Variants in ATP8A2 observed in about 807,000 individuals in gnomAD.
ATP8A2 encodes phospholipid-transporting ATPase IB.
ATP8A2 carries 100 observed loss-of-function variants against 165.6 expected under a neutral mutation model. The ratio of observed to expected loss-of-function variants is 0.60; its 90% CI spans 0.51 to 0.71. The LOEUF (loss-of-function observed/expected upper bound fraction) is 0.71. Among genes scored for constraint, ATP8A2 ranks in the 30% least tolerant of loss-of-function variants. The pLI is 0.00. For missense variants in ATP8A2, 1,227 were observed against 1,479.5 expected (o/e 0.83, Z 2.80); for synonymous variants, 543 against 548.8 (o/e 0.99, Z 0.15).
At chr13:25,745,847 T>A (rs895075302) in intron 25 of ATP8A2, among the ~76,000 whole-genome samples, 12 of 152,222 alleles carry the variant, frequency 7.9e-5, no homozygotes, top group Non-Finnish European at 1.5e-4. Flanking sequence ...ATCCTCTAGT[T>A]CAGTTTCTTA....
At chr13:25,836,166 T>TTTTG (rs149756647) in intron 28 of ATP8A2, among the ~76,000 whole-genome samples, 1,951 of 150,624 alleles carry the variant, frequency 0.013, 24 homozygotes, top group East Asian at 0.044. Flanking sequence ...ATCTCCTGTT[T>TTTTG]TTTGTTTGTT....
At chr13:25,646,067 T>A (rs2041662427) in intron 24 of ATP8A2, among the ~76,000 whole-genome samples, 1 of 152,228 alleles carries the variant, frequency 6.6e-6, no homozygotes, top group African/African-American at 2.4e-5. Flanking sequence ...GATTCTTTAA[T>A]ATTTGCATTA....
At chr13:25,824,156 A>T (rs1951250729) in intron 27 of ATP8A2, among the ~76,000 whole-genome samples, 1 of 152,102 alleles carries the variant, frequency 6.6e-6, no homozygotes, top group East Asian at 1.9e-4. Context: ...TTTTTAGTAG[A>T]CATGGGTTTT....
At chr13:25,907,946 G>A (rs940001806) in intron 33 of ATP8A2, among the ~76,000 whole-genome samples, 1 of 152,188 alleles carries the variant, frequency 6.6e-6, no homozygotes, top group African/African-American at 2.4e-5. Flanking sequence ...GGACCTTGAA[G>A]GTTCTTTTCA....
At chr13:25,584,288 A>G (rs2039858618) in intron 23 of ATP8A2, among the ~76,000 whole-genome samples, 1 of 152,198 alleles carries the variant, frequency 6.6e-6, no homozygotes, top group Non-Finnish European at 1.5e-5. Context: ...CACAGGCGGC[A>G]GCTGTCAGCA....
At chr13:25,544,070 A>G (rs2038567344) in intron 10 of ATP8A2, among the ~76,000 whole-genome samples, 2 of 152,222 alleles carry the variant, frequency 1.3e-5, no homozygotes. Flanking sequence ...GTTCTTTTGT[A>G]TAACTTCTAA....
chr13:25,993,707 A>G (rs1566335171), intron 35 of ATP8A2, among the ~76,000 whole-genome samples: 1 of 152,030 alleles, frequency 6.6e-6, no homozygotes. Context: ...TTATCTGTTT[A>G]TTTCTTTATG....
At chr13:25,586,358 C>T (rs746014613) in intron 23 of ATP8A2, among the ~76,000 whole-genome samples, 1 of 152,076 alleles carries the variant, frequency 6.6e-6, no homozygotes, top group Non-Finnish European at 1.5e-5. Context: ...GATGTCCCAA[C>T]GTGGGGAGAA....
At chr13:25,878,006 G>A (rs1952863624) in intron 33 of ATP8A2, among the ~76,000 whole-genome samples, 1 of 152,184 alleles carries the variant, frequency 6.6e-6, no homozygotes, top group Admixed American at 6.5e-5. Flanking sequence ...TTTGCTAAAT[G>A]GATTGTAAAC....
At chr13:25,952,261 G>A (rs185410521) in intron 33 of ATP8A2, among the ~76,000 whole-genome samples, 209 of 152,182 alleles carry the variant, frequency 1.4e-3, no homozygotes, top group Non-Finnish European at 2.4e-3. Flanking sequence ...GGAGAGAGTG[G>A]GCATGAATGA....
intron 28 of ATP8A2, among the ~76,000 whole-genome samples, chr13:25,835,007 ATG>A (rs1951569792): frequency 6.8e-6 from 1 of 147,814 alleles, no homozygotes; most frequent in African/African-American, 2.5e-5. Context: ...TGTGTGTAGT[ATG>A]GTATAGGCAG....
At chr13:25,983,345 A>G (rs1373250610) in intron 35 of ATP8A2, among the ~76,000 whole-genome samples, 2 of 152,224 alleles carry the variant, frequency 1.3e-5, no homozygotes, top group East Asian at 3.8e-4. Context: ...AAAGTCTGTA[A>G]TTTGTTCTCC....
chr13:25,646,684 T>A (rs912950815), intron 24 of ATP8A2, among the ~76,000 whole-genome samples: 11 of 138,634 alleles, frequency 7.9e-5, no homozygotes, highest in African/African-American at 2.7e-4. Context: ...CACAAAAGAA[T>A]CATTTAGTCA....
At chr13:25,396,396 T>G (rs2137993255) in intron 1 of ATP8A2, among the ~76,000 whole-genome samples, 1 of 152,308 alleles carries the variant, frequency 6.6e-6, no homozygotes, top group South Asian at 2.1e-4. Context: ...GGGGTTCTAG[T>G]TTCTATGACC....
chr13:25,879,852 T>G (rs1195202901), intron 33 of ATP8A2, among the ~76,000 whole-genome samples: 1 of 152,224 alleles, frequency 6.6e-6, no homozygotes, highest in Non-Finnish European at 1.5e-5. Flanking sequence ...CCTAGACTTT[T>G]TCTTGAATAT....
At chr13:25,383,056 T>C (rs2032910179) in intron 1 of ATP8A2, among the ~76,000 whole-genome samples, 1 of 149,102 alleles carries the variant, frequency 6.7e-6, no homozygotes, top group Non-Finnish European at 1.5e-5. Flanking sequence ...CACCCAGCCT[T>C]TTCTTTTTGA....
intron 28 of ATP8A2, among the ~76,000 whole-genome samples, chr13:25,833,864 A>G (rs1951540018): frequency 6.6e-6 from 1 of 152,222 alleles, no homozygotes. Flanking sequence ...CATTTAAAAA[A>G]CCAATAGACA....
intron 35 of ATP8A2, among the ~76,000 whole-genome samples, chr13:25,996,028 C>T (rs1274154065): frequency 6.6e-6 from 1 of 151,970 alleles, no homozygotes; most frequent in East Asian, 1.9e-4. Flanking sequence ...TGCATAATGT[C>T]CTTCATTTTC....
chr13:25,448,894 A>G (rs999573722), intron 1 of ATP8A2, among the ~76,000 whole-genome samples: 3 of 152,110 alleles, frequency 2.0e-5, no homozygotes, highest in Admixed American at 6.6e-5. Context: ...CAAATTCCTG[A>G]CCTCAGGTGA....
Sources: gnomAD v4.1 joint callset for allele counts (sites outside exome capture counted in the v4.1 genomes callset) on GRCh38, gnomAD v4.1.1 for gene constraint, MANE v1.5 for transcripts, NCBI Gene and HGNC (gene_info 2026-07-23, HGNC 2026-07-21) for gene names.